Variants in GIPC2 observed in about 807,000 individuals in gnomAD.
GIPC2 encodes GIPC PDZ domain containing family member 2, also known as PDZ domain-containing protein GIPC2.
Under a neutral mutation model 30.6 loss-of-function variants are expected in GIPC2, and 30 were observed. The observed-to-expected ratio is 0.98, with a 90% CI of 0.73 to 1.33. GIPC2 has a LOEUF of 1.33. Among genes scored for constraint, GIPC2 ranks in the 40% most tolerant of loss-of-function variants. The pLI is 0.00. For missense variants in GIPC2, 414 were observed against 390.3 expected, an observed-to-expected ratio of 1.06 and a Z score of -0.51; for synonymous variants, 167 against 150.0, an observed-to-expected ratio of 1.11 and a Z score of -0.83.
intron 1 of GIPC2, among the ~76,000 whole-genome samples, chr1:78,072,158 G>T (rs751468652): frequency 6.6e-6 from 1 of 152,162 alleles, no homozygotes; most frequent in Non-Finnish European, 1.5e-5. Context: ...ACATAAAATT[G>T]TTGTTGATAA....
At chr1:78,123,076 G>A (rs951590631) in intron 4 of GIPC2, among the ~76,000 whole-genome samples, 1 of 151,864 alleles carries the variant, frequency 6.6e-6, no homozygotes, top group Non-Finnish European at 1.5e-5. Flanking sequence ...CCTGGCCAAT[G>A]TGATGAAACC....
At chr1:78,069,475 C>CTTTTT (rs1167457025) in intron 1 of GIPC2, among the ~76,000 whole-genome samples, 23 of 127,264 alleles carry the variant, frequency 1.8e-4, no homozygotes, top group African/African-American at 5.4e-4. Flanking sequence ...CCCTGTAGTA[C>CTTTTT]TTTTTTTTTT....
chr1:78,128,316 A>G (rs1662821627), intron 5 of GIPC2, among the ~76,000 whole-genome samples: 1 of 152,160 alleles, frequency 6.6e-6, no homozygotes, highest in Admixed American at 6.5e-5. Context: ...ACTGGCATTG[A>G]GCCGCTAAGC....
chr1:78,045,114 G>T (rs984727687), upstream of GIPC2: 16 of 959,922 alleles, frequency 1.7e-5, no homozygotes, highest in Non-Finnish European at 1.9e-5. Context: ...AAACCTAAAA[G>T]AATTACTTGT....
chr1:78,122,083 G>A (rs373105897), intron 4 of GIPC2, among the ~76,000 whole-genome samples: 2 of 152,218 alleles, frequency 1.3e-5, no homozygotes, highest in South Asian at 2.1e-4. Context: ...AAAGGTGCCT[G>A]AATGGAAAAG....
At chr1:78,126,774 C>T (rs1282856506) in intron 5 of GIPC2, among the ~76,000 whole-genome samples, 2 of 152,160 alleles carry the variant, frequency 1.3e-5, no homozygotes, top group South Asian at 2.1e-4. Flanking sequence ...TCTGCATCCT[C>T]GTGGCATCAA....
intron 1 of GIPC2, among the ~76,000 whole-genome samples, chr1:78,076,280 TAAC>T (rs1241799007): frequency 6.6e-6 from 1 of 152,190 alleles, no homozygotes; most frequent in Non-Finnish European, 1.5e-5. Flanking sequence ...AGCACAATAA[TAAC>T]AATTCAAGGC....
chr1:78,117,339 T>C (rs1662587077), intron 3 of GIPC2, among the ~76,000 whole-genome samples: 1 of 152,184 alleles, frequency 6.6e-6, no homozygotes, highest in South Asian at 2.1e-4. Flanking sequence ...CTCAGTTGTC[T>C]CCGGTTCTTT....
intron 3 of GIPC2, among the ~76,000 whole-genome samples, chr1:78,098,622 ATGGGCTGAAT>A (rs1190551801): frequency 1.3e-5 from 2 of 152,198 alleles, no homozygotes; most frequent in Non-Finnish European, 1.5e-5. Flanking sequence ...GGAGGCTGTT[ATGGGCTGAAT>A]TGTGTCCTTC....
intron 2 of GIPC2, among the ~76,000 whole-genome samples, chr1:78,084,241 T>C: frequency 6.6e-6 from 1 of 152,174 alleles, no homozygotes; most frequent in Non-Finnish European, 1.5e-5. Flanking sequence ...GGGCCAGGCA[T>C]GGTGGCTCAC....
At chr1:78,126,924 C>A (rs1028200296) in intron 5 of GIPC2, among the ~76,000 whole-genome samples, 1 of 152,170 alleles carries the variant, frequency 6.6e-6, no homozygotes, top group Non-Finnish European at 1.5e-5. Context: ...CGCTCTGGAA[C>A]TGACAGTGAC....
chr1:78,054,505 C>T (rs1471611873), intron 1 of GIPC2, among the ~76,000 whole-genome samples: 1 of 152,212 alleles, frequency 6.6e-6, no homozygotes, highest in East Asian at 1.9e-4. Context: ...GGATCCCTGA[C>T]ACATATTTTA....
At chr1:78,095,250 A>G (rs1263683805) in intron 3 of GIPC2, 118 bp downstream of exon 3, 15 of 639,624 alleles carry the variant, frequency 2.3e-5, no homozygotes, top group South Asian at 2.0e-4. Context: ...CTTATCTAAC[A>G]TATCAGTTAA....
At chr1:78,106,850 A>G (rs939896980) in intron 3 of GIPC2, among the ~76,000 whole-genome samples, 1 of 150,960 alleles carries the variant, frequency 6.6e-6, no homozygotes, top group Non-Finnish European at 1.5e-5. Context: ...CTAATTTTGT[A>G]TTTTTAGTAG....
At chr1:78,127,829 AC>A (rs1164073932) in intron 5 of GIPC2, among the ~76,000 whole-genome samples, 2 of 152,150 alleles carry the variant, frequency 1.3e-5, no homozygotes, top group Admixed American at 6.5e-5. Context: ...AGCTAGGACC[AC>A]AGGTGTGTGC....
At chr1:78,109,727 G>GTT (rs200260480) in intron 3 of GIPC2, among the ~76,000 whole-genome samples, 49 of 150,990 alleles carry the variant, frequency 3.2e-4, no homozygotes, top group Non-Finnish European at 6.8e-4. Flanking sequence ...AATATAGTGT[G>GTT]TTTTTTTTTC....
Position 78,045,997 on chromosome 1 carries a change from T to C in GIPC2, c.-98T>C, listed in dbSNP as rs1277338314. On this transcript the variant is annotated 5_prime_UTR_variant, in exon 1 of 6. Transcript: ENST00000370759. ...AAGCGCGGCTGCCATTGGAGGCTGC[T>C]TTTACCTGCGCGGGGCCCGGGGCGC... The C allele has an allele frequency of 7.2e-7, 1 of 1,391,982 alleles. No individual in the cohort carries two copies. The highest frequency in any genetic ancestry group is 9.3e-7 in the Non-Finnish European group (1 of 1,076,220). The allele number at this position is 1,391,982 out of a possible 1,614,324, so 86.2% of individuals were successfully genotyped here.
chr1:78,091,167 G>A (rs1383403493), intron 2 of GIPC2, among the ~76,000 whole-genome samples: 1 of 152,198 alleles, frequency 6.6e-6, no homozygotes, highest in Non-Finnish European at 1.5e-5. Flanking sequence ...GGCAAGCCAT[G>A]TAATTATTGT....
In GIPC2 at chr1:78,086,762, C is replaced by T. The variant is rs190950607; in HGVS notation, c.426+5902C>T. Among the ~76,000 whole-genome samples the T allele has an allele frequency of 3.4e-3, 522 of 151,970 alleles. 3 individuals carry two copies. Among genetic ancestry groups the T allele is most frequent in the African/African-American group, 0.012 (504 of 41,470 alleles). On this transcript the variant is annotated intron_variant, in intron 2 of 5. Coordinates refer to ENST00000370759, the MANE Select transcript of GIPC2 (RefSeq NM_017655.6). ...AACAGGGATAGGATTGCAGCCCCTG[C>T]TTTTTTTTGTTTTCCATTTGCTTGG...
Sources: allele counts gnomAD v4.1 joint callset (sites outside exome capture counted in the v4.1 genomes callset), GRCh38; gene constraint gnomAD v4.1.1; transcripts MANE v1.5; gene names NCBI Gene and HGNC (gene_info 2026-07-23, HGNC 2026-07-21).